The following GALNT17 variants were observed in gnomAD, a reference collection of about 807,000 sequenced individuals.
GALNT17 encodes polypeptide N-acetylgalactosaminyltransferase 17.
GALNT17 carries 29 observed loss-of-function variants against 63.7 expected under a neutral mutation model. The ratio of observed to expected loss-of-function variants is 0.46; its 90% CI spans 0.34 to 0.62. GALNT17 has a LOEUF of 0.62. GALNT17 is among the 20% of genes least tolerant of loss of function. The probability of loss-of-function intolerance (pLI) is 0.01; values close to 1 mark genes in which losing one functional copy is unlikely to be tolerated. For synonymous variants in GALNT17, 305 were observed against 318.3 expected, an observed-to-expected ratio of 0.96 and a Z score of 0.45; for missense variants, 603 against 799.6, an observed-to-expected ratio of 0.75 and a Z score of 2.97.
At chr7:71,597,570 A>G (rs1192003140) in intron 6 of GALNT17, among the ~76,000 whole-genome samples, 3 of 152,058 alleles carry the variant, frequency 2.0e-5, no homozygotes, top group Admixed American at 2.0e-4. Flanking sequence ...TGAATTTCAC[A>G]TGCAAGAAAG....
intron 3 of GALNT17, among the ~76,000 whole-genome samples, chr7:71,393,583 A>G (rs1414069033): frequency 2.0e-5 from 3 of 151,952 alleles, no homozygotes; most frequent in African/African-American, 7.3e-5. Flanking sequence ...ATCTCTGCAA[A>G]CATCATTTTA....
chr7:71,669,998 C>T lies in GALNT17; in HGVS notation c.1293C>T (p.Val431=). The change falls in exon 8 of 11, where the codon GTC becomes GTT. Residue 431 remains valine (V), a synonymous_variant. Transcript: ENST00000333538. ...LENPGIDIGD[V]SERRALRKSL... ...ATCCGGGAATTGACATCGGTGATGT[C>T]TCCGAAAGAAGAGCATTAAGGAAAA... 1.9e-6 allele frequency: 3 copies of T among 1,614,066 alleles called. No homozygotes were observed. In the African/African-American group the frequency reaches 4.0e-5, roughly 22 times the overall value.
rs1207859731 is a variant in GALNT17, at chr7:71,408,898, GTGTGTGTATGTA to G, written c.590-6987_590-6976del. Among the ~76,000 whole-genome samples, 5 of 149,826 alleles carry G rather than the reference GTGTGTGTATGTA, an allele frequency of 3.3e-5. No homozygotes were observed. The South Asian group carries it at 6.3e-4, about 19-fold the overall frequency. On this transcript the variant is annotated intron_variant, in intron 3 of 10. Coordinates refer to ENST00000333538, the MANE Select transcript of GALNT17 (RefSeq NM_022479.3). ...TGTCTCTGTCTCTGTATATGTGTGT[GTGTGTGTATGTA>G]TGTATGTATGTATGTATTTATATGT...
intron 2 of GALNT17, among the ~76,000 whole-genome samples, chr7:71,382,064 G>A (rs988556502): frequency 4.6e-5 from 7 of 152,092 alleles, no homozygotes; most frequent in East Asian, 1.9e-4. Context: ...TGAAACCAGG[G>A]AAGGGCTAAT....
chr7:71,409,724 C>G (rs1793397344), intron 3 of GALNT17, among the ~76,000 whole-genome samples: 1 of 152,122 alleles, frequency 6.6e-6, no homozygotes, highest in Non-Finnish European at 1.5e-5. Flanking sequence ...GTCCACTGTG[C>G]AGTAACAGAT....
At chr7:71,173,429 T>G (rs1230471526) in intron 1 of GALNT17, among the ~76,000 whole-genome samples, 1 of 152,196 alleles carries the variant, frequency 6.6e-6, no homozygotes, top group African/African-American at 2.4e-5. Flanking sequence ...CTTATGACTT[T>G]TAATATTAGT....
intron 5 of GALNT17, among the ~76,000 whole-genome samples, chr7:71,517,490 C>T (rs1218119218): frequency 6.6e-6 from 1 of 152,184 alleles, no homozygotes; most frequent in African/African-American, 2.4e-5. Flanking sequence ...TTTAGCCCAC[C>T]TTACCTTGAT....
chr7:71,292,691 GTGTGTGTGTGTGTGTGTGTGTT>G (rs1791004617), intron 1 of GALNT17, among the ~76,000 whole-genome samples: 1 of 151,432 alleles, frequency 6.6e-6, no homozygotes, highest in East Asian at 1.9e-4. Flanking sequence ...GTGTGTGTGT[GTGTGTGTGTGTGTGTGTGTGTT>G]GGGCAGATTT....
At chr7:71,455,166 C>CAA (rs535222662) in intron 5 of GALNT17, among the ~76,000 whole-genome samples, 2,596 of 127,536 alleles carry the variant, frequency 0.02, 32 homozygotes, top group African/African-American at 0.031. Flanking sequence ...AATCTTGTTT[C>CAA]AAAAAAAAAA....
intron 1 of GALNT17, among the ~76,000 whole-genome samples, chr7:71,298,566 A>G (rs531569887): frequency 9.1e-4 from 139 of 152,226 alleles, no homozygotes; most frequent in African/African-American, 3.1e-3. Flanking sequence ...ACCTGAGCTG[A>G]CACTTGCGGG....
chr7:71,228,458 A>G (rs1253192224), intron 1 of GALNT17, among the ~76,000 whole-genome samples: 1 of 152,186 alleles, frequency 6.6e-6, no homozygotes, highest in African/African-American at 2.4e-5. Context: ...TAAGGCCTTC[A>G]AACAACAGAA....
intron 1 of GALNT17, among the ~76,000 whole-genome samples, chr7:71,220,997 T>G (rs1419368740): frequency 1.3e-5 from 2 of 152,202 alleles, no homozygotes; most frequent in Non-Finnish European, 2.9e-5. Context: ...AAACTTCTAG[T>G]ATTCTGCTGG....
At chr7:71,621,404 G>A (rs535908706) in intron 6 of GALNT17, among the ~76,000 whole-genome samples, 42 of 152,190 alleles carry the variant, frequency 2.8e-4, no homozygotes, top group African/African-American at 9.4e-4. Context: ...CATGGTGCCC[G>A]GTATGACACT....
intron 9 of GALNT17, among the ~76,000 whole-genome samples, chr7:71,700,158 A>C (rs781094663): frequency 3.3e-5 from 5 of 151,688 alleles, no homozygotes; most frequent in Non-Finnish European, 7.4e-5. Flanking sequence ...ACAACAAAAA[A>C]CTAGCCAGGC....
rs978678769 is a variant in GALNT17 at position 71,596,743 on chromosome 7, C to T, written c.1080+25341C>T. ...ACACTCACTGTGACTATTGGAATTG[C>T]CTTAATCACAGGCACAGAGTCGGGG... is the stretch of plus-strand genomic sequence containing the variant. On this transcript the variant is annotated intron_variant, in intron 6 of 10. Coordinates refer to ENST00000333538, the MANE Select transcript of GALNT17 (RefSeq NM_022479.3). Among the ~76,000 whole-genome samples, 7 of 151,998 alleles carry T rather than the reference C, an allele frequency of 4.6e-5. 1 individual carries two copies. Among genetic ancestry groups the T allele is most frequent in the African/African-American group, 1.7e-4 (7 of 41,298 alleles).
intron 1 of GALNT17, among the ~76,000 whole-genome samples, chr7:71,188,038 A>G (rs955884929): frequency 6.6e-6 from 1 of 152,066 alleles, no homozygotes; most frequent in African/African-American, 2.4e-5. Context: ...ATCCCTTTCA[A>G]GTTGCTGCGA....
intron 1 of GALNT17, among the ~76,000 whole-genome samples, chr7:71,169,076 G>T (rs574523519): frequency 6.6e-6 from 1 of 152,222 alleles, no homozygotes; most frequent in African/African-American, 2.4e-5. Context: ...TCGTTCTGAT[G>T]ATGTGATCAG....
At chr7:71,260,927 T>G (rs540775702) in intron 1 of GALNT17, among the ~76,000 whole-genome samples, 1 of 152,256 alleles carries the variant, frequency 6.6e-6, no homozygotes, top group African/African-American at 2.4e-5. Flanking sequence ...TAAACTGGTT[T>G]GATTCCAAAA....
intron 1 of GALNT17, among the ~76,000 whole-genome samples, chr7:71,232,102 A>T (rs150031638): frequency 7.9e-5 from 12 of 152,254 alleles, no homozygotes; most frequent in Non-Finnish European, 7.4e-5. Context: ...ACCAGCGAAC[A>T]TGGGGAGATT....
Sources: gnomAD v4.1 joint callset for allele counts (sites outside exome capture counted in the v4.1 genomes callset) on GRCh38, gnomAD v4.1.1 for gene constraint, MANE v1.5 for transcripts, NCBI Gene and HGNC (gene_info 2026-07-23, HGNC 2026-07-21) for gene names.